Variants in ARHGAP30 observed in about 807,000 individuals in gnomAD.
The protein encoded by ARHGAP30 is Rho GTPase activating protein 30.
A neutral mutation model predicts 72.0 loss-of-function variants in ARHGAP30; 23 were observed. The observed-to-expected ratio is 0.32, with a 90% CI of 0.23 to 0.45. The LOEUF (loss-of-function observed/expected upper bound fraction) is 0.45. Ranked by LOEUF, ARHGAP30 falls within the 20% of genes least tolerant of loss-of-function variation. ARHGAP30 has a pLI of 1.00. For synonymous variants in ARHGAP30, 576 were observed against 528.2 expected, an observed-to-expected ratio of 1.09 and a Z score of -1.24; for missense variants, 1,319 against 1,383.4, an observed-to-expected ratio of 0.95 and a Z score of 0.74.
intron 10 of ARHGAP30, 78 bp from the exon 11 acceptor site, chr1:161,049,767 T>C: frequency 6.5e-7 from 1 of 1,527,148 alleles, no homozygotes; most frequent in Non-Finnish European, 8.8e-7. Context: ...CTAGCATTGA[T>C]ATAGCAGGGG....
rs758432849 is a variant in ARHGAP30, at chr1:161,047,046, C to T, written c.*669G>A. 3 of 457,966 alleles carry T rather than the reference C, an allele frequency of 6.6e-6. No homozygotes were observed. Among genetic ancestry groups the T allele is most frequent in the Non-Finnish European group, 1.3e-5 (3 of 223,206 alleles). 28.4% of individuals were successfully genotyped at this position (457,966 alleles called of 1,614,324 possible). On this transcript the variant is annotated 3_prime_UTR_variant, in exon 12 of 12. Transcript: ENST00000368013. The stretch of plus-strand genomic sequence containing the variant: ...AGCAGTCCCAGGGCCTGAGTGACAC[C>T]ATTTCCCTTTCCTGAAATAGGAACA...
chr1:161,066,619 TG>T (rs1444733034), intron 1 of ARHGAP30, among the ~76,000 whole-genome samples: 1 of 115,414 alleles, frequency 8.7e-6, no homozygotes, highest in African/African-American at 3.6e-5. Flanking sequence ...CACTCCAGCC[TG>T]GGTGACAGAG....
In ARHGAP30 at chr1:161,047,893, G is replaced by A; in HGVS notation, c.3128C>T (p.Ser1043Phe). ...TSPCSMISAH[S>F]PRPLSCLELP... ...CTCCAGGCAGCTAAGGGGCCGAGGA[G>A]AATGGGCAGAGATCATGCTACAAGG... is the stretch of plus-strand genomic sequence containing the variant. The change falls in exon 12 of 12, where the codon TCT becomes TTT. Residue 1043 changes from serine (S) to phenylalanine (F), a missense_variant. Physicochemically the swap from Ser to Phe is radical, Grantham distance 155. Coordinates refer to ENST00000368013, the MANE Select transcript of ARHGAP30 (RefSeq NM_001025598.2). 6.2e-7 allele frequency: 1 copy of A among 1,612,202 alleles called. No individual in the cohort carries two copies. Among genetic ancestry groups the A allele is most frequent in the Non-Finnish European group, 8.5e-7 (1 of 1,179,028 alleles).
Position 161,048,748 on chromosome 1 carries a change from C to T in ARHGAP30, c.2273G>A (p.Arg758Lys), listed in dbSNP as rs1557915053. 6.2e-7 allele frequency: 1 copy of T among 1,614,124 alleles called. No homozygotes were observed. Among genetic ancestry groups the T allele is most frequent in the Non-Finnish European group, 8.5e-7 (1 of 1,180,032 alleles). ...TCCAGCTTCTACCTGGGCTTCCTCT[C>T]TTTGTTCATCCTCTTCTCTCTCAAT... ...KEIEREEDEQREEAQVEAGRD... is the reference protein window; with the variant it reads ...KEIEREEDEQKEEAQVEAGRD... Residue 758 changes from arginine (R) to lysine (K), a missense_variant, in exon 12 of 12, where the codon AGA (arginine) becomes AAA (lysine). Physicochemically the swap from Arg to Lys is conservative, Grantham distance 26. Around this residue, in one of 2 missense-constraint regions of ARHGAP30, gnomAD observed 1,097 missense variants for 1,045.2 expected, o/e 1.05. Transcript: ENST00000368013.
intron 1 of ARHGAP30, among the ~76,000 whole-genome samples, chr1:161,061,965 A>G (rs547396234): frequency 9.6e-4 from 146 of 152,182 alleles, no homozygotes; most frequent in East Asian, 9.7e-4. Context: ...GCGCACGCCT[A>G]TAATTCCAGC....
chr1:161,048,392 C>G lies in ARHGAP30; in HGVS notation c.2629G>C (p.Glu877Gln), dbSNP rs750040202. ...ATCTCAGAAGAGTGAGGATTGCCCT[C>G]TTTGGCACAGTCAACCTCCAGGGAC... Reference protein sequence around the residue: ...VASLEVDCAKEGNPHSSEMEE... With the variant: ...VASLEVDCAKQGNPHSSEMEE... The change falls in exon 12 of 12, where the codon GAG (glutamate) becomes CAG (glutamine). Residue 877 changes from glutamate (E) to glutamine (Q), a missense_variant. By Grantham distance (29) the Glu-to-Gln change is conservative. Transcript: ENST00000368013. The G allele has an allele frequency of 6.8e-6, 11 of 1,614,026 alleles. No homozygotes were observed. The highest frequency in any genetic ancestry group is 1.3e-5 in the African/African-American group (1 of 74,922).
chr1:161,053,194 G>A, intron 6 of ARHGAP30, 64 bp downstream of exon 6: 3 of 1,597,464 alleles, frequency 1.9e-6, no homozygotes, highest in Non-Finnish European at 2.6e-6. Flanking sequence ...TGATCTTCAA[G>A]GCTCTCTGTA....
rs532913631 is a variant in ARHGAP30, at chr1:161,052,769, C to G, written c.693G>C (p.Ser231=). 6.2e-7 allele frequency: 1 copy of G among 1,611,444 alleles called. No individual in the cohort carries two copies. Among genetic ancestry groups the G allele is most frequent in the South Asian group, 1.1e-5 (1 of 90,980 alleles). ...TGCCTGATGCCCGGGTCCCTGGAAG[C>G]GATCGCCACCCACTCTCCACCTCAC... ...SGGEVESGWR[S]LPGTRASGSP... The change falls in exon 7 of 12, where the codon TCG becomes TCC. Residue 231 remains serine (S), a synonymous_variant. Transcript: ENST00000368013.
rs148490718 is a variant in ARHGAP30 at position 161,069,335 on chromosome 1, G to A, written c.97+193C>T. ...ACCCCATCCCCAGAAAGTTACACAA[G>A]GGAGCCGCCCTGCCTTCTTCACTGA... On this transcript the variant is annotated intron_variant, in intron 1 of 11. Transcript: ENST00000368013. This position sits in a 1 kb window ranked among gnomAD's most constrained non-coding sequence, Gnocchi z 4.9. Among the ~76,000 whole-genome samples, 191 of 152,172 alleles carry A rather than the reference G, an allele frequency of 1.3e-3. No individual in the cohort carries two copies. Among genetic ancestry groups the A allele is most frequent in the African/African-American group, 4.1e-3 (169 of 41,518 alleles).
intron 9 of ARHGAP30, 145 bp from the exon 10 acceptor site, chr1:161,051,860 G>T: frequency 7.0e-7 from 1 of 1,419,010 alleles, no homozygotes; most frequent in South Asian, 1.5e-5. Flanking sequence ...AGCTTCTTTT[G>T]ATCACTACTG....
intron 3 of ARHGAP30, among the ~76,000 whole-genome samples, chr1:161,055,432 G>T (rs188123635): frequency 6.6e-6 from 1 of 152,254 alleles, no homozygotes; most frequent in Non-Finnish European, 1.5e-5. Flanking sequence ...GATTGAGGTT[G>T]CAGTGAGCTG....
rs747391380 is a variant in ARHGAP30, at chr1:161,051,304, G to A, written c.1420+10C>T. 6.4e-6 allele frequency: 10 copies of A among 1,570,828 alleles called. No homozygotes were observed. In the Admixed American group the frequency reaches 1.9e-4, roughly 29 times the overall value. On this transcript the variant is annotated intron_variant, in intron 10 of 11. Coordinates refer to ENST00000368013, the MANE Select transcript of ARHGAP30 (RefSeq NM_001025598.2). The stretch of plus-strand genomic sequence containing the variant: ...CCTTTCCTAGTCTTGGTCAATCAAT[G>A]GGTCCTCACCTGGGGGGCCAGGGCC...
Position 161,051,335 on chromosome 1 carries a change from C to T in ARHGAP30, c.1399G>A (p.Gly467Ser), listed in dbSNP as rs527244524. The T allele has an allele frequency of 6.2e-7, 1 of 1,606,138 alleles. No individual in the cohort carries two copies. Among genetic ancestry groups the T allele is most frequent in the African/African-American group, 1.3e-5 (1 of 75,000 alleles). The change falls in exon 10 of 12, where the codon GGC (glycine) becomes AGC (serine). Residue 467 changes from glycine (G) to serine (S), a missense_variant. Gly to Ser is a moderately conservative substitution (Grantham distance 56). This residue lies in a region of ARHGAP30 where 1,097 missense variants were observed against 1,045.2 expected (regional missense o/e 1.05). Coordinates refer to ENST00000368013, the MANE Select transcript of ARHGAP30 (RefSeq NM_001025598.2). ...SPASGPGPGP[G>S]LGPGPPDEKL... The stretch of plus-strand genomic sequence containing the variant: ...TCACCTGGGGGGCCAGGGCCAAGGC[C>T]AGGGCCAGGGCCAGGGCCAGAGGCA...
intron 1 of ARHGAP30, among the ~76,000 whole-genome samples, chr1:161,062,129 A>G (rs1199729561): frequency 6.6e-6 from 1 of 151,876 alleles, no homozygotes; most frequent in Non-Finnish European, 1.5e-5. Context: ...ATTGAAACCC[A>G]TCTCCACCAG....
intron 3 of ARHGAP30, among the ~76,000 whole-genome samples, chr1:161,056,159 AAAG>A (rs1390603535): frequency 4.6e-5 from 7 of 152,116 alleles, no homozygotes; most frequent in Admixed American, 3.9e-4. Flanking sequence ...CCTTAGGGAG[AAAG>A]AAGGACATAG....
At chr1:161,050,504 T>G (rs1373557708) in intron 10 of ARHGAP30, among the ~76,000 whole-genome samples, 2 of 151,902 alleles carry the variant, frequency 1.3e-5, no homozygotes, top group African/African-American at 4.8e-5. Flanking sequence ...AGACGGGGTT[T>G]CACCATGTTG....
At chr1:161,063,363 C>T (rs999320331) in intron 1 of ARHGAP30, among the ~76,000 whole-genome samples, 30 of 152,184 alleles carry the variant, frequency 2.0e-4, no homozygotes, top group African/African-American at 7.0e-4. Flanking sequence ...CAAATTAATA[C>T]TTTTGTAATT....
rs1476348546 is a variant in ARHGAP30, at chr1:161,053,388, G to A, written c.537-3C>T. ...CTGAGGCCTCTATGTCCTTAGACCT[G>A]TGGAGATGTGGAATTATTCTCCCCC... On this transcript the variant is annotated splice_polypyrimidine_tract_variant and splice_region_variant and intron_variant, in intron 5 of 11. Transcript: ENST00000368013. 3 of 1,612,458 alleles carry A rather than the reference G, an allele frequency of 1.9e-6. No homozygotes were observed. In the Admixed American group the frequency reaches 5.0e-5, roughly 27 times the overall value.
chr1:161,048,045 C>T lies in ARHGAP30; in HGVS notation c.2976G>A (p.Gly992=), dbSNP rs772677468. The stretch of plus-strand genomic sequence containing the variant: ...CAGCAGCATCAAAGGAAAGACTACC[C>T]CCATTCCTCCAAGAGGATCGAGAAG... ...SRASRSSWRN[G]GSLSFDAAVA... Residue 992 remains glycine, a synonymous_variant, in exon 12 of 12, where the codon GGG becomes GGA. Coordinates refer to ENST00000368013, the MANE Select transcript of ARHGAP30 (RefSeq NM_001025598.2). 1 of 1,614,178 alleles carries T rather than the reference C, an allele frequency of 6.2e-7. No individual in the cohort carries two copies. The highest frequency in any genetic ancestry group is 1.3e-5 in the African/African-American group (1 of 75,046).
Sources: gnomAD v4.1 joint callset for allele counts (sites outside exome capture counted in the v4.1 genomes callset) on GRCh38, gnomAD v4.1.1 for gene constraint, gnomAD v4.1.1 regional missense constraint, Gnocchi (gnomAD v3.1) non-coding constraint, MANE v1.5 for transcripts, NCBI Gene and HGNC (gene_info 2026-07-23, HGNC 2026-07-21) for gene names.